ACTL8: variants seen among roughly 807,000 people sequenced by gnomAD.
ACTL8 encodes actin-like protein 8.
A neutral mutation model predicts 9.3 loss-of-function variants in ACTL8; 3 were observed. That is an observed-to-expected ratio of 0.32 (90% confidence interval 0.15 to 0.83). ACTL8 has a LOEUF of 0.83. Ranked by LOEUF, ACTL8 falls within the 40% of genes least tolerant of loss-of-function variation. The probability of loss-of-function intolerance (pLI) is 0.57; values close to 1 mark genes in which losing one functional copy is unlikely to be tolerated. For missense variants in ACTL8, 381 were observed against 492.2 expected, an observed-to-expected ratio of 0.77 and a Z score of 2.14; for synonymous variants, 224 against 205.9, an observed-to-expected ratio of 1.09 and a Z score of -0.75.
chr1:17,773,555 G>T (rs2066097784), intron 1 of ACTL8, among the ~76,000 whole-genome samples: 1 of 152,188 alleles, frequency 6.6e-6, no homozygotes, highest in South Asian at 2.1e-4. Context: ...GAGCAGCTTT[G>T]TATCAGGATT....
chr1:17,761,768 A>G (rs1337226918), intron 1 of ACTL8, among the ~76,000 whole-genome samples: 1 of 151,916 alleles, frequency 6.6e-6, no homozygotes, highest in Non-Finnish European at 1.5e-5. Flanking sequence ...ACGGGGTTTC[A>G]CCATGTTGGC....
intron 1 of ACTL8, among the ~76,000 whole-genome samples, chr1:17,806,331 C>T (rs1171724019): frequency 6.6e-6 from 1 of 152,200 alleles, no homozygotes; most frequent in Non-Finnish European, 1.5e-5. Context: ...TAAGAAGAGG[C>T]ATAATTAAAA....
intron 1 of ACTL8, among the ~76,000 whole-genome samples, chr1:17,763,592 C>CTGG (rs1203016393): frequency 6.6e-6 from 1 of 152,194 alleles, no homozygotes; most frequent in African/African-American, 2.4e-5. Flanking sequence ...GATCCCCCTG[C>CTGG]TGGCTCCACA....
At chr1:17,768,295 C>G (rs1244215347) in intron 1 of ACTL8, among the ~76,000 whole-genome samples, 1 of 83,404 alleles carries the variant, frequency 1.2e-5, no homozygotes, top group African/African-American at 3.1e-5. Flanking sequence ...TCCATGTACC[C>G]AGAGAGAGGG....
intron 1 of ACTL8, among the ~76,000 whole-genome samples, chr1:17,766,785 C>A (rs1476802928): frequency 1.3e-5 from 2 of 152,056 alleles, no homozygotes; most frequent in Admixed American, 6.5e-5. Flanking sequence ...CCATATAAAT[C>A]ATCTAGAAAG....
intron 1 of ACTL8, among the ~76,000 whole-genome samples, chr1:17,801,245 G>C (rs922746980): frequency 2.0e-5 from 3 of 152,156 alleles, no homozygotes; most frequent in Admixed American, 6.5e-5. Flanking sequence ...GACACAGAGA[G>C]GTTAATTTAC....
rs749496365 is a variant in ACTL8, at chr1:17,825,755, C to T, written c.349-12C>T. ...GGGGGAAATGCACTGAGTGAATTCTCCCTCGTTGCAGATCCTGTTTGAGTT... is the reference window on the plus strand; with the variant it reads ...GGGGGAAATGCACTGAGTGAATTCTTCCTCGTTGCAGATCCTGTTTGAGTT... On this transcript the variant is annotated splice_polypyrimidine_tract_variant and intron_variant, in intron 2 of 2. Coordinates refer to ENST00000375406, the MANE Select transcript of ACTL8 (RefSeq NM_030812.3). 2 of 1,606,756 alleles carry T rather than the reference C, an allele frequency of 1.2e-6. No individual in the cohort carries two copies. The highest frequency in any genetic ancestry group is 1.3e-5 in the African/African-American group (1 of 74,980).
intron 1 of ACTL8, among the ~76,000 whole-genome samples, chr1:17,757,760 C>G (rs1353603123): frequency 6.6e-6 from 1 of 152,136 alleles, no homozygotes; most frequent in Non-Finnish European, 1.5e-5. Context: ...GTTTTAGATC[C>G]AGGAAGGCAG....
chr1:17,772,811 C>A (rs1027840346), intron 1 of ACTL8, among the ~76,000 whole-genome samples: 5 of 152,026 alleles, frequency 3.3e-5, no homozygotes, highest in Non-Finnish European at 7.4e-5. Context: ...CAGACCCAGG[C>A]AGTCTAAGAA....
intron 1 of ACTL8, among the ~76,000 whole-genome samples, chr1:17,761,965 G>C (rs530047042): frequency 6.6e-6 from 1 of 152,006 alleles, no homozygotes; most frequent in Admixed American, 6.5e-5. Flanking sequence ...GGAAGGTCTC[G>C]GGGGTCCATG....
At chr1:17,808,517 G>A (rs2066373690) in intron 1 of ACTL8, among the ~76,000 whole-genome samples, 1 of 152,160 alleles carries the variant, frequency 6.6e-6, no homozygotes, top group African/African-American at 2.4e-5. Context: ...TGGGTGGCGT[G>A]GGGACAACTC....
chr1:17,795,092 C>A (rs758269722), intron 1 of ACTL8, among the ~76,000 whole-genome samples: 6 of 152,234 alleles, frequency 3.9e-5, no homozygotes, highest in Non-Finnish European at 5.9e-5. Context: ...CCTGGGGTGG[C>A]ATGGGGCCCC....
intron 1 of ACTL8, among the ~76,000 whole-genome samples, chr1:17,791,446 C>A (rs1357866257): frequency 6.6e-6 from 1 of 152,194 alleles, no homozygotes; most frequent in Non-Finnish European, 1.5e-5. Flanking sequence ...AGTGGAAGAT[C>A]CGGGATTTGA....
chr1:17,809,459 G>A (rs1177386425), intron 1 of ACTL8, among the ~76,000 whole-genome samples: 1 of 152,172 alleles, frequency 6.6e-6, no homozygotes, highest in East Asian at 1.9e-4. Flanking sequence ...TCCAGGGACA[G>A]AGAGAAAGGA....
intron 1 of ACTL8, among the ~76,000 whole-genome samples, chr1:17,784,203 A>G (rs2066178295): frequency 6.6e-6 from 1 of 152,180 alleles, no homozygotes; most frequent in Non-Finnish European, 1.5e-5. Context: ...GCATCTTCTT[A>G]ACATGGTGGA....
intron 1 of ACTL8, among the ~76,000 whole-genome samples, chr1:17,764,011 T>A (rs998628611): frequency 2.6e-5 from 4 of 152,014 alleles, no homozygotes; most frequent in East Asian, 3.9e-4. Context: ...TTTGATAATA[T>A]GTCCCAGACA....
At chr1:17,779,815 G>T (rs1169063703) in intron 1 of ACTL8, among the ~76,000 whole-genome samples, 1 of 152,186 alleles carries the variant, frequency 6.6e-6, no homozygotes, top group African/African-American at 2.4e-5. Context: ...AATGTCTCAT[G>T]GCCCTACCTG....
chr1:17,785,539 C>G (rs1194691029), intron 1 of ACTL8, among the ~76,000 whole-genome samples: 1 of 152,206 alleles, frequency 6.6e-6, no homozygotes, highest in Non-Finnish European at 1.5e-5. Context: ...GTTGACAGCA[C>G]AGATGTACAC....
At chr1:17,776,145 A>G (rs2066116866) in intron 1 of ACTL8, among the ~76,000 whole-genome samples, 2 of 152,200 alleles carry the variant, frequency 1.3e-5, no homozygotes, top group South Asian at 2.1e-4. Flanking sequence ...ACAGGGAGCC[A>G]TGGGAAGCTT....
Sources: allele counts gnomAD v4.1 joint callset (sites outside exome capture counted in the v4.1 genomes callset), GRCh38; gene constraint gnomAD v4.1.1; transcripts MANE v1.5; gene names NCBI Gene and HGNC (gene_info 2026-07-23, HGNC 2026-07-21).